Variants in PARP2 observed in about 807,000 individuals in gnomAD.
PARP2 encodes poly [ADP-ribose] polymerase 2.
In PARP2, 57 loss-of-function variants were observed where a neutral mutation model predicts 77.8. That is an observed-to-expected ratio of 0.73 (90% CI 0.59 to 0.91). The LOEUF (loss-of-function observed/expected upper bound fraction) is 0.91. Ranked by LOEUF, PARP2 falls within the 40% of genes least tolerant of loss-of-function variation. The probability of loss-of-function intolerance (pLI) is 0.00; values close to 1 mark genes in which losing one functional copy is unlikely to be tolerated. For missense variants in PARP2, 651 were observed against 689.0 expected, an observed-to-expected ratio of 0.94 and a Z score of 0.62; for synonymous variants, 226 against 242.6, an observed-to-expected ratio of 0.93 and a Z score of 0.64.
chr14:20,352,457 C>CT, intron 7 of PARP2, 110 bp downstream of exon 7: 3 of 625,392 alleles, frequency 4.8e-6, no homozygotes, highest in Non-Finnish European at 5.6e-6. Context: ...TCATGGCTCA[C>CT]TGCAGCCTCA....
chr14:20,350,296 T>C (rs1594299056), intron 4 of PARP2, among the ~76,000 whole-genome samples: 1 of 151,982 alleles, frequency 6.6e-6, no homozygotes, highest in African/African-American at 2.4e-5. Context: ...GGATAGAGGG[T>C]TTTAGGAAGC....
chr14:20,345,019 A>G lies in PARP2; in HGVS notation c.134A>G (p.Gln45Arg). ...PAKKTRRCQRQESKKMPVAGG... is the reference protein window; with the variant it reads ...PAKKTRRCQRRESKKMPVAGG... Reference sequence around the variant, plus strand: ...AAGAAAACTCGTAGATGCCAGAGACAGGAGTCGAAAAAGATGCCTGTGGCT... The same window carrying G: ...AAGAAAACTCGTAGATGCCAGAGACGGGAGTCGAAAAAGATGCCTGTGGCT... The change falls in exon 2 of 16, where the codon CAG becomes CGG. Residue 45 changes from glutamine (Q) to arginine (R), a missense_variant. By Grantham distance (43) the Gln-to-Arg change is conservative. Coordinates refer to ENST00000429687, the MANE Select transcript of PARP2 (RefSeq NM_001042618.2). The G allele has an allele frequency of 6.2e-7, 1 of 1,614,018 alleles. No individual in the cohort carries two copies. The highest frequency in any genetic ancestry group is 8.5e-7 in the Non-Finnish European group (1 of 1,179,858).
At chr14:20,347,390 A>G (rs1476513378) in intron 4 of PARP2, among the ~76,000 whole-genome samples, 3 of 15,174 alleles carry the variant, frequency 2.0e-4, no homozygotes, top group Non-Finnish European at 3.3e-4. Flanking sequence ...ATATATATAT[A>G]TATATATATT....
chr14:20,352,430 C>T, intron 7 of PARP2, 83 bp downstream of exon 7: 4 of 819,006 alleles, frequency 4.9e-6, no homozygotes, highest in Non-Finnish European at 7.9e-6. Flanking sequence ...CTCTGTTGCC[C>T]AGGCTGGGTG....
intron 5 of PARP2, 50 bp from the exon 6 acceptor site, chr14:20,350,997 T>C (rs1046532764): frequency 1.5e-6 from 2 of 1,376,740 alleles, no homozygotes; most frequent in Non-Finnish European, 2.1e-6. Flanking sequence ...CTTGGAGAGC[T>C]GGCCTGTTAC....
rs1268501891 is a variant in PARP2, at chr14:20,352,363, C to G, written c.600+16C>G. ...CAATACTCAGGTAACTCTCACTATA[C>G]TTTTCGAAAGAAACACATCTTCTTT... is the stretch of plus-strand genomic sequence containing the variant. On this transcript the variant is annotated intron_variant, in intron 7 of 15. Transcript: ENST00000429687. 1 of 1,442,452 alleles carries G rather than the reference C, an allele frequency of 6.9e-7. No individual in the cohort carries two copies. The highest frequency in any genetic ancestry group is 9.7e-7 in the Non-Finnish European group (1 of 1,029,774). The allele number at this position is 1,442,452 out of a possible 1,614,324, so 89.4% of individuals were successfully genotyped here. A position where few individuals can be genotyped will look rare whatever the true frequency, so the allele number is the denominator to read the frequency against.
intron 4 of PARP2, 93 bp downstream of exon 4, chr14:20,347,006 G>C: frequency 1.5e-6 from 1 of 687,368 alleles, no homozygotes; most frequent in East Asian, 2.8e-5. Flanking sequence ...GATCTTTAAA[G>C]TCCCTTTTTT....
chr14:20,349,058 G>GC (rs2138927360), intron 4 of PARP2, among the ~76,000 whole-genome samples: 1 of 152,060 alleles, frequency 6.6e-6, no homozygotes, highest in African/African-American at 2.4e-5. Flanking sequence ...CCTTAAGGCA[G>GC]CCAGGTGTGG....
At chr14:20,353,639 C>G (rs147983618) in intron 7 of PARP2, among the ~76,000 whole-genome samples, 1 of 152,074 alleles carries the variant, frequency 6.6e-6, no homozygotes, top group Non-Finnish European at 1.5e-5. Flanking sequence ...TGGATATATA[C>G]CACCATAAAA....
At position 20,351,033 on chromosome 14, in the gene PARP2, C is replaced by T; in HGVS notation, c.422-14C>T. On this transcript the variant is annotated splice_polypyrimidine_tract_variant and intron_variant, in intron 5 of 15. Transcript: ENST00000429687. ...TCTTAGGGAACTATCTTATGTGTGG[C>T]ATTTCCTTTGCAGTTGGGAAAATGG... 6.2e-7 allele frequency: 1 copy of T among 1,608,138 alleles called. No individual in the cohort carries two copies. The highest frequency in any genetic ancestry group is 8.5e-7 in the Non-Finnish European group (1 of 1,174,698).
chr14:20,353,525 G>A (rs3093918), intron 7 of PARP2, among the ~76,000 whole-genome samples: 42 of 152,206 alleles, frequency 2.8e-4, no homozygotes, highest in African/African-American at 9.9e-4. Context: ...TTACAAGCGT[G>A]AGCCACTGCG....
rs779563924 is a variant in PARP2 at position 20,355,978 on chromosome 14, A to G, written c.1048A>G (p.Arg350Gly). Reference protein sequence around the residue: ...SPEHPLDQHYRNLHCALRPLD... With the variant: ...SPEHPLDQHYGNLHCALRPLD... ...AGAACACCCATTGGACCAACACTAT[A>G]GAAACCTACATTGTGCCTTGCGCCC... Residue 350 changes from arginine (R) to glycine (G), a missense_variant, in exon 11 of 16, where the codon AGA becomes GGA. Physicochemically the swap from Arg to Gly is moderately radical, Grantham distance 125. Transcript: ENST00000429687. 6.2e-7 allele frequency: 1 copy of G among 1,614,162 alleles called. No homozygotes were observed. Among genetic ancestry groups the G allele is most frequent in the Non-Finnish European group, 8.5e-7 (1 of 1,179,974 alleles).
In PARP2 at chr14:20,357,631, T is replaced by G. The variant is rs2138954527; in HGVS notation, c.1554-7T>G. On this transcript the variant is annotated splice_polypyrimidine_tract_variant and splice_region_variant and intron_variant, in intron 15 of 15. Transcript: ENST00000429687. ...TGATGTTGACACACTTTTTTTCCAT[T>G]TGGCAGGAATGGGAGTACAGTGCCA... The G allele has an allele frequency of 6.2e-7, 1 of 1,609,460 alleles. No homozygotes were observed. The highest frequency in any genetic ancestry group is 2.2e-5 in the East Asian group (1 of 44,856).
intron 7 of PARP2, chr14:20,352,558 C>CTTTCTTTT: frequency 1.9e-5 from 4 of 214,140 alleles, no homozygotes; most frequent in African/African-American, 1.2e-4. Context: ...GATTTTTTTT[C>CTTTCTTTT]TTTTTTTTTT....
intron 9 of PARP2, chr14:20,355,167 G>C: frequency 2.2e-6 from 1 of 452,426 alleles, no homozygotes; most frequent in Admixed American, 4.0e-5. Flanking sequence ...TGACAAAGTG[G>C]AAGTTACCAA....
chr14:20,357,347 A>T, intron 14 of PARP2, 49 bp from the exon 15 acceptor site: 6 of 1,570,410 alleles, frequency 3.8e-6, no homozygotes, highest in Non-Finnish European at 5.2e-6. Flanking sequence ...CTTTGGAGCC[A>T]TCTAATTCTT....
intron 11 of PARP2, 58 bp from the exon 12 acceptor site, chr14:20,356,249 C>T: frequency 6.3e-7 from 1 of 1,579,962 alleles, no homozygotes; most frequent in Non-Finnish European, 8.6e-7. Flanking sequence ...CCAAATTCTT[C>T]AGTTCAGCTC....
Position 20,357,634 on chromosome 14 carries a change from G to A in PARP2, c.1554-4G>A. ...TGTTGACACACTTTTTTTCCATTTG[G>A]CAGGAATGGGAGTACAGTGCCATTA... is the stretch of plus-strand genomic sequence containing the variant. On this transcript the variant is annotated splice_polypyrimidine_tract_variant and splice_region_variant and intron_variant, in intron 15 of 15. Coordinates refer to ENST00000429687, the MANE Select transcript of PARP2 (RefSeq NM_001042618.2). 1 of 1,606,268 alleles carries A rather than the reference G, an allele frequency of 6.2e-7. No homozygotes were observed. The highest frequency in any genetic ancestry group is 8.5e-7 in the Non-Finnish European group (1 of 1,177,788).
In PARP2 at chr14:20,354,104, AAG is replaced by A. The variant is rs1884056373; in HGVS notation, c.623_624del (p.Glu208GlyfsTer4). ...CTATAGGATGAAGAGGAAACAAAGA[AAG>A]AGGAATCTCTTAAATCTCCCTTGAA... is the stretch of plus-strand genomic sequence containing the variant. On this transcript the variant is annotated frameshift_variant, in exon 8 of 16. Transcript: ENST00000429687. LOFTEE classifies it high-confidence loss of function. 2 of 1,613,194 alleles carry A rather than the reference AAG, an allele frequency of 1.2e-6. No individual in the cohort carries two copies. The highest frequency in any genetic ancestry group is 4.5e-5 in the East Asian group (2 of 44,854).
Sources: gnomAD v4.1 joint callset for allele counts (sites outside exome capture counted in the v4.1 genomes callset) on GRCh38, gnomAD v4.1.1 for gene constraint, MANE v1.5 for transcripts, NCBI Gene and HGNC (gene_info 2026-07-23, HGNC 2026-07-21) for gene names.